The following MCM3AP variants were observed in gnomAD, a reference collection of about 807,000 sequenced individuals.
The protein encoded by MCM3AP is germinal-center associated nuclear protein.
MCM3AP carries 126 observed loss-of-function variants against 184.1 expected under a neutral mutation model. The ratio of observed to expected loss-of-function variants is 0.68; its 90% CI spans 0.59 to 0.79. The LOEUF (loss-of-function observed/expected upper bound fraction) is 0.79. Ranked by LOEUF, MCM3AP falls within the 30% of genes least tolerant of loss-of-function variation. The pLI is 0.00. For synonymous variants in MCM3AP, 1,002 were observed against 979.3 expected (o/e 1.02, Z -0.43); for missense variants, 2,496 against 2,479.2 (o/e 1.01, Z -0.14).
intron 15 of MCM3AP, among the ~76,000 whole-genome samples, 167 bp downstream of exon 15, chr21:46,260,626 C>G (rs1166710249): frequency 1.3e-5 from 2 of 152,130 alleles, no homozygotes; most frequent in Non-Finnish European, 2.9e-5. Context: ...TTCTATTAGC[C>G]AAGGGAGCAC....
chr21:46,247,481 A>ATTCAAGCAATTCTCCTGTCTCACCCTCCC, intron 20 of MCM3AP, among the ~76,000 whole-genome samples: 1 of 149,732 alleles, frequency 6.7e-6, no homozygotes, highest in Non-Finnish European at 1.5e-5. Context: ...TGCCTCCTGG[A>ATTCAAGCAATTCTCCTGTCTCACCCTCCC]TAGTAGCTGG....
chr21:46,264,618 T>A (rs1434749413), intron 12 of MCM3AP, among the ~76,000 whole-genome samples: 1 of 152,142 alleles, frequency 6.6e-6, no homozygotes, highest in African/African-American at 2.4e-5. Context: ...AAGGCACCTG[T>A]CGGGACCATG....
At chr21:46,263,983 G>T in intron 13 of MCM3AP, 134 bp downstream of exon 13, 1 of 564,688 alleles carries the variant, frequency 1.8e-6, no homozygotes, top group South Asian at 2.5e-5. Flanking sequence ...AAATCTTCCT[G>T]ACACTGTATC....
chr21:46,253,221 A>G (rs2080899577), intron 19 of MCM3AP: 1 of 152,238 alleles, frequency 6.6e-6, no homozygotes, highest in South Asian at 2.1e-4. Flanking sequence ...GATCATGTCA[A>G]TTTTTTCTTT....
chr21:46,265,206 T>A, intron 12 of MCM3AP, 115 bp downstream of exon 12: 1 of 925,682 alleles, frequency 1.1e-6, no homozygotes, highest in Non-Finnish European at 1.7e-6. Context: ...AGGACCCCTC[T>A]CTGGACTCTC....
At chr21:46,249,683 GA>G in intron 20 of MCM3AP, 1 of 422,522 alleles carries the variant, frequency 2.4e-6, no homozygotes, top group Non-Finnish European at 4.7e-6. Context: ...GCTGAACCAA[GA>G]AAAAATACTG....
At chr21:46,256,533 C>T in intron 17 of MCM3AP, 2 of 536,316 alleles carry the variant, frequency 3.7e-6, no homozygotes, top group East Asian at 3.0e-5. Flanking sequence ...GAGTCAGACT[C>T]AGGCACCAGG....
At chr21:46,274,618 AACAG>A (rs1324776147) in intron 6 of MCM3AP, among the ~76,000 whole-genome samples, 1 of 152,216 alleles carries the variant, frequency 6.6e-6, no homozygotes, top group African/African-American at 2.4e-5. Context: ...TAAGCATAGA[AACAG>A]ACAGGAATAA....
intron 26 of MCM3AP, 58 bp downstream of exon 26, chr21:46,240,753 T>C: frequency 6.8e-7 from 1 of 1,466,034 alleles, no homozygotes; most frequent in Non-Finnish European, 9.4e-7. Flanking sequence ...ATAACCAGTC[T>C]CCCCTCACAG....
chr21:46,273,666 A>C lies in MCM3AP; in HGVS notation c.1999-81T>G. ...AGTTATGCCTGAAAATGAGGGGGAA[A>C]ATCACATACACACCCACACAAGATC... On this transcript the variant is annotated intron_variant, in intron 6 of 27. Coordinates refer to ENST00000291688, the MANE Select transcript of MCM3AP (RefSeq NM_003906.5). 4 of 987,916 alleles carry C rather than the reference A, an allele frequency of 4.0e-6. No individual in the cohort carries two copies. The South Asian group carries it at 5.4e-5, about 13-fold the overall frequency. 61.2% of individuals were successfully genotyped at this position (987,916 alleles called of 1,614,324 possible).
At chr21:46,256,683 G>GGCTTCGCCTCCAT in intron 17 of MCM3AP, 106 bp downstream of exon 17, 1 of 1,376,156 alleles carries the variant, frequency 7.3e-7, no homozygotes, top group South Asian at 1.4e-5. Context: ...TTCGCCTCCA[G>GGCTTCGCCTCCAT]GCTTCACCTA....
At chr21:46,267,450 C>T (rs1370938096) in intron 9 of MCM3AP, 3 of 309,754 alleles carry the variant, frequency 9.7e-6, no homozygotes, top group South Asian at 4.5e-5. Context: ...GTCAGCTGTG[C>T]AGCATCCACA....
In MCM3AP at chr21:46,272,791, C is replaced by T. The variant is rs756751977; in HGVS notation, c.2235G>A (p.Val745=). 6.2e-7 allele frequency: 1 copy of T among 1,610,444 alleles called. No individual in the cohort carries two copies. Among genetic ancestry groups the T allele is most frequent in the Non-Finnish European group, 8.5e-7 (1 of 1,177,688 alleles). Residue 745 remains valine, a synonymous_variant, in exon 8 of 28, where the codon GTG becomes GTA. Coordinates refer to ENST00000291688, the MANE Select transcript of MCM3AP (RefSeq NM_003906.5). ...ACCGGGTGCACTTCTCAATCAGGGA[C>T]ACCGTCAGGGGGTCACAGAGGTGCT... The part of the protein sequence containing the change: ...TQQHLCDPLT[V]SLIEKCTRFH...
rs557295145 is a variant in MCM3AP at position 46,269,993 on chromosome 21, C to A, written c.2628+408G>T. ...ACGGCAAAGCACAGACACTGAGGCA[C>A]CCACTGAAAGGAACTTAGCGCCATC... On this transcript the variant is annotated intron_variant, in intron 9 of 27. Transcript: ENST00000291688. 5.9e-5 allele frequency among the ~76,000 whole-genome samples: 9 copies of A among 152,310 alleles called. No individual in the cohort carries two copies. In the South Asian group the frequency reaches 1.9e-3, roughly 32 times the overall value.
At chr21:46,282,949 G>A (rs1479781509) in intron 2 of MCM3AP, among the ~76,000 whole-genome samples, 2 of 151,240 alleles carry the variant, frequency 1.3e-5, no homozygotes, top group Admixed American at 6.6e-5. Flanking sequence ...TTTTTGAGAC[G>A]GAGTCTGGCT....
intron 22 of MCM3AP, 21 bp downstream of exon 22, chr21:46,246,286 T>C (rs909080482): frequency 1.4e-6 from 2 of 1,464,910 alleles, no homozygotes; most frequent in South Asian, 1.1e-5. Context: ...TGACAGACCA[T>C]TAAAAATGAT....
At chr21:46,242,378 G>A (rs2080682238) in intron 25 of MCM3AP, 2 of 151,092 alleles carry the variant, frequency 1.3e-5, no homozygotes, top group Non-Finnish European at 2.9e-5. Flanking sequence ...ATTTTATCAG[G>A]AACAGGTATA....
chr21:46,262,203 A>C (rs2081049821), intron 13 of MCM3AP, among the ~76,000 whole-genome samples: 1 of 152,260 alleles, frequency 6.6e-6, no homozygotes, highest in Non-Finnish European at 1.5e-5. Flanking sequence ...AGAAGGTTTC[A>C]CTGGTAAATT....
intron 6 of MCM3AP, among the ~76,000 whole-genome samples, chr21:46,274,179 G>T (rs929887825): frequency 9.9e-5 from 15 of 152,268 alleles, no homozygotes; most frequent in African/African-American, 3.6e-4. Context: ...CAGGCGAAGG[G>T]TGTATAAAGC....
Sources: allele counts gnomAD v4.1 joint callset (sites outside exome capture counted in the v4.1 genomes callset), GRCh38; gene constraint gnomAD v4.1.1; transcripts MANE v1.5; gene names NCBI Gene and HGNC (gene_info 2026-07-23, HGNC 2026-07-21).